Variants in CABIN1 observed in about 807,000 individuals in gnomAD.
CABIN1 encodes the protein calcineurin-binding protein cabin-1.
CABIN1 carries 133 observed loss-of-function variants against 227.7 expected under a neutral mutation model. The observed-to-expected ratio is 0.58, with a 90% CI of 0.51 to 0.67. The LOEUF is 0.67. Among genes scored for constraint, CABIN1 ranks in the 30% least tolerant of loss-of-function variants. The pLI is 0.00. For synonymous variants in CABIN1, 1,086 were observed against 1,155.1 expected, an observed-to-expected ratio of 0.94 and a Z score of 1.21; for missense variants, 2,408 against 2,852.5, an observed-to-expected ratio of 0.84 and a Z score of 3.55.
chr22:24,167,463 A>G (rs1003277172), intron 32 of CABIN1, 150 bp downstream of exon 32: 26 of 702,180 alleles, frequency 3.7e-5, no homozygotes, highest in East Asian at 1.4e-4. Context: ...ACTTTCTGCA[A>G]TGAGCTTTAA....
intron 29 of CABIN1, among the ~76,000 whole-genome samples, chr22:24,144,074 A>G (rs777723935): frequency 1.3e-5 from 2 of 152,184 alleles, no homozygotes; most frequent in African/African-American, 2.4e-5. Flanking sequence ...GCCTGGTGCT[A>G]TTGTGTCCCT....
At chr22:24,074,561 C>T (rs1303783534) in intron 18 of CABIN1, among the ~76,000 whole-genome samples, 1 of 152,146 alleles carries the variant, frequency 6.6e-6, no homozygotes, top group Non-Finnish European at 1.5e-5. Context: ...CAGGATCCTG[C>T]CATCTTCCAG....
In CABIN1 at chr22:24,038,415, C is replaced by G. The variant is rs762932539; in HGVS notation, c.164C>G (p.Ser55Cys). Residue 55 changes from serine to cysteine, a missense_variant, in exon 4 of 37, where the codon TCT becomes TGT. Physicochemically the swap from Ser to Cys is moderately radical, Grantham distance 112. Around this residue, in one of 3 missense-constraint regions of CABIN1, gnomAD observed 1,045 missense variants for 1,168.4 expected, o/e 0.89. Transcript: ENST00000263119. ...CAGAAACATGACCGGTTTGAGGAGT[C>G]TGCCAAAGCCTACCATGAGCTCTTG... ...DLQKHDRFEESAKAYHELLEA... is the reference protein window; with the variant it reads ...DLQKHDRFEECAKAYHELLEA... 1 of 1,614,116 alleles carries G rather than the reference C, an allele frequency of 6.2e-7. No individual in the cohort carries two copies. Among genetic ancestry groups the G allele is most frequent in the Non-Finnish European group, 8.5e-7 (1 of 1,180,008 alleles).
chr22:24,129,361 G>A (rs771239751), intron 28 of CABIN1, among the ~76,000 whole-genome samples: 3 of 152,278 alleles, frequency 2.0e-5, no homozygotes, highest in Middle Eastern at 3.4e-3. Context: ...TAGTGGGCGG[G>A]GGCTGGCATT....
At chr22:24,043,730 T>A (rs1430982051) in intron 6 of CABIN1, among the ~76,000 whole-genome samples, 1 of 152,136 alleles carries the variant, frequency 6.6e-6, no homozygotes, top group African/African-American at 2.4e-5. Context: ...CCTGTCTGGG[T>A]GACACAGTGA....
At chr22:24,122,977 C>G (rs1446230325) in intron 28 of CABIN1, among the ~76,000 whole-genome samples, 1 of 152,180 alleles carries the variant, frequency 6.6e-6, no homozygotes, top group Non-Finnish European at 1.5e-5. Flanking sequence ...CAGAGCCAGA[C>G]ATCAGCCCCA....
chr22:24,030,044 A>T (rs2036386428), intron 1 of CABIN1, among the ~76,000 whole-genome samples: 1 of 152,220 alleles, frequency 6.6e-6, no homozygotes, highest in South Asian at 2.1e-4. Flanking sequence ...GGCATTGAAT[A>T]GCTTTTTGCT....
rs1296430854 is a variant in CABIN1 at position 24,171,783 on chromosome 22, T to G, written c.5828T>G (p.Val1943Gly). The G allele has an allele frequency of 6.2e-7, 1 of 1,614,052 alleles. No individual in the cohort carries two copies. Among genetic ancestry groups the G allele is most frequent in the African/African-American group, 1.3e-5 (1 of 74,948 alleles). The change falls in exon 34 of 37, where the codon GTG (valine) becomes GGG (glycine). Residue 1943 changes from valine (V) to glycine (G), a missense_variant. Val to Gly is a moderately radical substitution (Grantham distance 109). Around this residue, in one of 3 missense-constraint regions of CABIN1, gnomAD observed 714 missense variants for 773.8 expected, o/e 0.92. Coordinates refer to ENST00000263119, the MANE Select transcript of CABIN1 (RefSeq NM_012295.4). ...DSRENFFPVT[V>G]VPTAPDPVPA... is the part of the protein sequence containing the mutation. ...CGAGAGAACTTCTTTCCTGTGACAG[T>G]GGTGCCCACAGCCCCTGACCCTGTG... is the stretch of plus-strand genomic sequence containing the variant.
intron 26 of CABIN1, among the ~76,000 whole-genome samples, chr22:24,107,700 C>T (rs1463619942): frequency 6.6e-6 from 1 of 152,234 alleles, no homozygotes; most frequent in Non-Finnish European, 1.5e-5. Flanking sequence ...TAAATATCTA[C>T]TTGCCTAAAC....
chr22:24,062,920 C>G, intron 13 of CABIN1, 39 bp from the exon 14 acceptor site: 1 of 1,596,298 alleles, frequency 6.3e-7, no homozygotes, highest in Non-Finnish European at 8.6e-7. Flanking sequence ...CATTAGAATG[C>G]TACACATGAA....
In CABIN1 at chr22:24,067,155, A is replaced by G. The variant is rs1601887194; in HGVS notation, c.2206A>G (p.Arg736Gly). Residue 736 changes from arginine to glycine, a missense_variant, in exon 16 of 37, where the codon AGG becomes GGG. Arg to Gly is a moderately radical substitution (Grantham distance 125, BLOSUM62 -2). Transcript: ENST00000263119. ...HLEFMTSIPE[R>G]PAQLLLLQDS... ...GGAGTTTATGACTTCCATTCCTGAG[A>G]GGCCAGCCCAGCTGCTTCTTCTGCA... 1.2e-6 allele frequency: 2 copies of G among 1,614,238 alleles called. No homozygotes were observed. Among genetic ancestry groups the G allele is most frequent in the Non-Finnish European group, 8.5e-7 (1 of 1,180,040 alleles).
At chr22:24,099,107 A>G (rs1163451296) in intron 26 of CABIN1, among the ~76,000 whole-genome samples, 1 of 152,140 alleles carries the variant, frequency 6.6e-6, no homozygotes, top group Non-Finnish European at 1.5e-5. Flanking sequence ...GCACCATGGT[A>G]GCCTTGAAGT....
intron 13 of CABIN1, among the ~76,000 whole-genome samples, chr22:24,062,521 C>A (rs1275041531): frequency 2.6e-5 from 4 of 151,876 alleles, no homozygotes; most frequent in African/African-American, 9.7e-5. Context: ...CCATGCCTGG[C>A]TAATTTTTGT....
At chr22:24,095,782 G>T in intron 24 of CABIN1, 149 bp from the exon 25 acceptor site, 1 of 822,540 alleles carries the variant, frequency 1.2e-6, no homozygotes, top group East Asian at 2.4e-5. Flanking sequence ...TTAGTTGTAG[G>T]ATGGTTGGTT....
chr22:24,111,738 A>T (rs955633962), intron 26 of CABIN1, among the ~76,000 whole-genome samples: 1 of 152,258 alleles, frequency 6.6e-6, no homozygotes, highest in Non-Finnish European at 1.5e-5. Context: ...TACTGAATGC[A>T]TATCACTTTT....
intron 1 of CABIN1, among the ~76,000 whole-genome samples, chr22:24,024,054 CTTGT>C (rs1026607909): frequency 4.6e-5 from 7 of 152,000 alleles, no homozygotes; most frequent in Non-Finnish European, 1.0e-4. Context: ...TTTAAATTGA[CTTGT>C]TTGTCTTTTT....
At chr22:24,072,324 C>T in intron 17 of CABIN1, 30 bp from the exon 18 acceptor site, 1 of 1,613,870 alleles carries the variant, frequency 6.2e-7, no homozygotes, top group Non-Finnish European at 8.5e-7. Flanking sequence ...TGCTGTGACA[C>T]TTCTGCTGTC....
At chr22:24,046,558 A>G (rs2037899502) in intron 6 of CABIN1, among the ~76,000 whole-genome samples, 1 of 152,016 alleles carries the variant, frequency 6.6e-6, no homozygotes, top group South Asian at 2.1e-4. Flanking sequence ...CCCCTCTCTC[A>G]TTGTAGAAGA....
chr22:24,092,818 G>T (rs978849577), intron 24 of CABIN1, among the ~76,000 whole-genome samples: 1 of 151,622 alleles, frequency 6.6e-6, no homozygotes, highest in African/African-American at 2.4e-5. Flanking sequence ...CTAAGAGTTT[G>T]CTATGTCCCT....
Sources: gnomAD v4.1 joint callset for allele counts (sites outside exome capture counted in the v4.1 genomes callset) on GRCh38, gnomAD v4.1.1 for gene constraint, gnomAD v4.1.1 regional missense constraint, MANE v1.5 for transcripts, NCBI Gene and HGNC (gene_info 2026-07-23, HGNC 2026-07-21) for gene names.